ABI3BP: variants seen among roughly 807,000 people sequenced by gnomAD.
ABI3BP encodes the protein target of Nesh-SH3.
Under a neutral mutation model 268.6 loss-of-function variants are expected in ABI3BP, and 216 were observed. The ratio of observed to expected loss-of-function variants is 0.80; its 90% CI spans 0.72 to 0.90. ABI3BP has a LOEUF of 0.90. Ranked by LOEUF, ABI3BP falls within the 40% of genes least tolerant of loss-of-function variation. ABI3BP has a pLI of 0.00. For missense variants in ABI3BP, 2,090 were observed against 2,182.4 expected, an observed-to-expected ratio of 0.96 and a Z score of 0.84; for synonymous variants, 730 against 730.0, an observed-to-expected ratio of 1.00 and a Z score of 0.00.
chr3:100,850,680 T>C lies in ABI3BP; in HGVS notation c.1406A>G (p.Glu469Gly). ...ATTACCCAGTGTTGCCCTTGGCTGT[T>C]CAAGAGTTCTAGAAGTTTTAGGTGG... The part of the protein sequence containing the change: ...SIPPKTSRTL[E>G]QPRATLAPSE... The change falls in exon 16 of 68, where the codon GAA (glutamate) becomes GGA (glycine). Residue 469 changes from glutamate (E) to glycine (G), a missense_variant. By Grantham distance (98) the Glu-to-Gly change is moderately conservative. Coordinates refer to ENST00000471714, the MANE Select transcript of ABI3BP (RefSeq NM_001375547.2). 1 of 1,613,008 alleles carries C rather than the reference T, an allele frequency of 6.2e-7. No homozygotes were observed. Among genetic ancestry groups the C allele is most frequent in the Non-Finnish European group, 8.5e-7 (1 of 1,179,110 alleles).
At chr3:100,789,645 C>T (rs1378292243) in intron 55 of ABI3BP, 129 bp from the exon 56 acceptor site, 3 of 782,544 alleles carry the variant, frequency 3.8e-6, no homozygotes, top group Non-Finnish European at 4.0e-6. Flanking sequence ...AGAAAATTCC[C>T]ATTATGCATT....
chr3:100,898,668 G>T, intron 4 of ABI3BP, 94 bp downstream of exon 4: 14 of 1,400,354 alleles, frequency 1.0e-5, no homozygotes, highest in Non-Finnish European at 1.3e-5. Context: ...AGGCTGTACA[G>T]CTAAGAGGTG....
At chr3:100,771,081 G>A (rs954248532) in intron 61 of ABI3BP, 129 bp from the exon 62 acceptor site, 1 of 808,404 alleles carries the variant, frequency 1.2e-6, no homozygotes, top group Non-Finnish European at 1.8e-6. Flanking sequence ...GCCATGATGT[G>A]GATGGTTCAA....
intron 1 of ABI3BP, among the ~76,000 whole-genome samples, chr3:100,988,596 C>A (rs933772049): frequency 1.3e-5 from 2 of 152,096 alleles, no homozygotes; most frequent in South Asian, 2.1e-4. Flanking sequence ...ATTCTTCATA[C>A]CTCCCATCCA....
intron 9 of ABI3BP, among the ~76,000 whole-genome samples, chr3:100,869,754 C>T (rs576701664): frequency 7.9e-5 from 12 of 152,278 alleles, no homozygotes; most frequent in Admixed American, 7.8e-4. Context: ...CCTGAGCATT[C>T]ACCCACACTA....
intron 1 of ABI3BP, among the ~76,000 whole-genome samples, chr3:100,953,070 C>T (rs1314925193): frequency 6.6e-6 from 1 of 152,168 alleles, no homozygotes; most frequent in Non-Finnish European, 1.5e-5. Flanking sequence ...ATACTTCTTT[C>T]AAACCCATGT....
At chr3:100,826,171 T>C (rs1278158029) in intron 34 of ABI3BP, among the ~76,000 whole-genome samples, 3 of 152,136 alleles carry the variant, frequency 2.0e-5, no homozygotes, top group Non-Finnish European at 4.4e-5. Context: ...CATGTGAGGA[T>C]ACAGTGAGAA....
chr3:100,965,479 C>T (rs913262714), intron 1 of ABI3BP, among the ~76,000 whole-genome samples: 3 of 141,130 alleles, frequency 2.1e-5, no homozygotes, highest in Admixed American at 1.5e-4. Flanking sequence ...GATGTGAAAA[C>T]ATGGAAAGCC....
At chr3:100,884,578 G>C (rs148049785) in intron 6 of ABI3BP, among the ~76,000 whole-genome samples, 1 of 151,556 alleles carries the variant, frequency 6.6e-6, no homozygotes. Context: ...TTTTTTTCCA[G>C]ACTGGGCCAC....
At position 100,765,914 on chromosome 3, in the gene ABI3BP, T is replaced by A; in HGVS notation, c.4777A>T (p.Ser1593Cys). Residue 1593 changes from serine to cysteine, a missense_variant, in exon 63 of 68, where the codon AGT (serine) becomes TGT (cysteine). By Grantham distance (112) the Ser-to-Cys change is moderately radical. Transcript: ENST00000471714. ...EVISRENGSF[S>C]GKNKSIQMTN... ...ATTTGAATGGACTTGTTCTTCCCAC[T>A]GAATGACCCATTTTCTCTGGATATA... The A allele has an allele frequency of 6.2e-7, 1 of 1,612,918 alleles. No homozygotes were observed. Among genetic ancestry groups the A allele is most frequent in the Non-Finnish European group, 8.5e-7 (1 of 1,179,338 alleles).
intron 55 of ABI3BP, among the ~76,000 whole-genome samples, chr3:100,790,269 T>C (rs1048702090): frequency 6.6e-6 from 1 of 151,974 alleles, no homozygotes; most frequent in Non-Finnish European, 1.5e-5. Flanking sequence ...TAATGCATCC[T>C]AAGGTTTTAA....
At chr3:100,831,064 A>C (rs2098483746) in intron 31 of ABI3BP, among the ~76,000 whole-genome samples, 1 of 152,312 alleles carries the variant, frequency 6.6e-6, no homozygotes, top group Non-Finnish European at 1.5e-5. Context: ...TTTGAAAGCA[A>C]ACACAGTGTA....
rs547113479 is a variant in ABI3BP, at chr3:100,849,755, T to G, written c.1501+290A>C. ...GTGTTAAGTAGAAGGGAACATATTT[T>G]GAAATAATTATCTATAATTCTGCTG... On this transcript the variant is annotated intron_variant, in intron 17 of 67. Coordinates refer to ENST00000471714, the MANE Select transcript of ABI3BP (RefSeq NM_001375547.2). Among the ~76,000 whole-genome samples, 4 of 152,348 alleles carry G rather than the reference T, an allele frequency of 2.6e-5. No individual in the cohort carries two copies. In the South Asian group the frequency reaches 8.3e-4, roughly 32 times the overall value.
intron 4 of ABI3BP, among the ~76,000 whole-genome samples, chr3:100,887,381 G>A (rs569098939): frequency 4.1e-4 from 62 of 152,062 alleles, no homozygotes; most frequent in African/African-American, 1.2e-3. Flanking sequence ...ATATTCAGAC[G>A]TATGAAATAT....
chr3:100,911,488 G>T, intron 2 of ABI3BP: 1 of 419,540 alleles, frequency 2.4e-6, no homozygotes, highest in East Asian at 5.0e-5. Flanking sequence ...CTTGTTCATT[G>T]TTTTTCACTT....
intron 44 of ABI3BP, among the ~76,000 whole-genome samples, chr3:100,813,979 T>C (rs2097932204): frequency 6.6e-6 from 1 of 152,076 alleles, no homozygotes; most frequent in Non-Finnish European, 1.5e-5. Context: ...AAAGTGGTAT[T>C]TCATGACACG....
At chr3:100,810,251 T>C (rs2097824288) in intron 49 of ABI3BP, among the ~76,000 whole-genome samples, 161 bp downstream of exon 49, 1 of 152,094 alleles carries the variant, frequency 6.6e-6, no homozygotes, top group African/African-American at 2.4e-5. Flanking sequence ...ACACTGCCAT[T>C]TGAGTAATTA....
chr3:100,829,486 G>T, intron 33 of ABI3BP, 95 bp downstream of exon 33: 3 of 1,160,462 alleles, frequency 2.6e-6, no homozygotes, highest in South Asian at 1.4e-5. Flanking sequence ...AGTCTGATGT[G>T]GAATCAGCTG....
intron 49 of ABI3BP, 33 bp downstream of exon 49, chr3:100,810,379 C>T: frequency 1.3e-6 from 2 of 1,500,252 alleles, no homozygotes; most frequent in Non-Finnish European, 9.0e-7. Context: ...CAAACACTCA[C>T]CTCATATATG....
Sources: allele counts gnomAD v4.1 joint callset (sites outside exome capture counted in the v4.1 genomes callset), GRCh38; gene constraint gnomAD v4.1.1; transcripts MANE v1.5; gene names NCBI Gene and HGNC (gene_info 2026-07-23, HGNC 2026-07-21).